ERCC6: variants seen among roughly 807,000 people sequenced by gnomAD.
ERCC6 encodes ERCC excision repair 6, chromatin remodeling factor.
A neutral mutation model predicts 158.7 loss-of-function variants in ERCC6; 116 were observed. The observed-to-expected ratio is 0.73, with a 90% confidence interval of 0.63 to 0.85. The LOEUF (loss-of-function observed/expected upper bound fraction) is 0.85. Among genes scored for constraint, ERCC6 ranks in the 40% least tolerant of loss-of-function variants. The pLI is 0.00. For synonymous variants in ERCC6, 678 were observed against 659.3 expected (o/e 1.03, Z -0.43); for missense variants, 1,698 against 1,799.4 (o/e 0.94, Z 1.02).
chr10:49,513,753 T>A (rs1472267894), intron 5 of ERCC6, among the ~76,000 whole-genome samples: 1 of 152,088 alleles, frequency 6.6e-6, no homozygotes, highest in African/African-American at 2.4e-5. Flanking sequence ...TCACTTCCCA[T>A]CAGGTTCCTC....
Position 49,528,441 on chromosome 10 carries a change from G to A in ERCC6, c.628C>T (p.His210Tyr). 6.2e-7 allele frequency: 1 copy of A among 1,614,162 alleles called. No homozygotes were observed. Among genetic ancestry groups the A allele is most frequent in the Non-Finnish European group, 8.5e-7 (1 of 1,180,020 alleles). Residue 210 changes from histidine to tyrosine, a missense_variant, in exon 4 of 21, where the codon CAC becomes TAC. Physicochemically the swap from His to Tyr is moderately conservative, Grantham distance 83. Coordinates refer to ENST00000355832, the MANE Select transcript of ERCC6 (RefSeq NM_000124.4). ...CCTGCATCCTCCTCCAGACTGGCGT[G>A]ATCTAGTTCAATTTTCACCTCTGCT... ...GGAEVKIELD[H>Y]ASLEEDAEPG...
chr10:49,513,343 A>G (rs918595361), intron 5 of ERCC6, among the ~76,000 whole-genome samples: 1 of 152,174 alleles, frequency 6.6e-6, no homozygotes, highest in African/African-American at 2.4e-5. Context: ...ACATACATAC[A>G]TATTTCTTAA....
chr10:49,530,489 C>T (rs144199158), intron 3 of ERCC6, among the ~76,000 whole-genome samples: 3 of 152,094 alleles, frequency 2.0e-5, no homozygotes, highest in Middle Eastern at 3.4e-3. Context: ...CAACTGTATA[C>T]GTATGGATGT....
At chr10:49,497,890 A>T (rs1272372784) in intron 7 of ERCC6, among the ~76,000 whole-genome samples, 1 of 152,232 alleles carries the variant, frequency 6.6e-6, no homozygotes, top group African/African-American at 2.4e-5. Flanking sequence ...CTTACCAGGA[A>T]CTACAAAGTA....
At chr10:49,447,443 T>C in the ERCC6 span, among the ~76,000 whole-genome samples, 2 of 152,068 alleles carry the variant, frequency 1.3e-5, no homozygotes, top group African/African-American at 4.8e-5. Flanking sequence ...ATCCCAGCAC[T>C]TTGGGAGGCC....
intron 5 of ERCC6, chr10:49,506,294 C>T (rs1279528929): frequency 2.3e-6 from 1 of 435,560 alleles, no homozygotes; most frequent in Non-Finnish European, 4.1e-6. Flanking sequence ...CTGGCATACC[C>T]TAAGGGAAAA....
intron 11 of ERCC6, among the ~76,000 whole-genome samples, chr10:49,477,094 C>T (rs987069421): frequency 1.3e-5 from 2 of 152,146 alleles, no homozygotes; most frequent in Non-Finnish European, 2.9e-5. Flanking sequence ...GCATCTTCCA[C>T]AAGCCCAGAG....
chr10:49,455,865 T>A lies in ERCC6; in HGVS notation c.*2950A>T, dbSNP rs1392912574. 1 of 152,206 alleles carries A rather than the reference T, an allele frequency of 6.6e-6. No homozygotes were observed. Among genetic ancestry groups the A allele is most frequent in the Non-Finnish European group, 1.5e-5 (1 of 68,028 alleles). 9.4% of individuals were successfully genotyped at this position (152,206 alleles called of 1,614,324 possible). A position where few individuals can be genotyped will look rare whatever the true frequency, so the allele number is the denominator to read the frequency against. ...CTGGTTAAAACAAAACAAAACAACC[T>A]ATCGATATTGATACCACTTACTGTT... On this transcript the variant is annotated 3_prime_UTR_variant, in exon 21 of 21. Transcript: ENST00000355832.
chr10:49,527,490 C>A (rs1837367698), intron 4 of ERCC6, among the ~76,000 whole-genome samples: 1 of 152,148 alleles, frequency 6.6e-6, no homozygotes, highest in South Asian at 2.1e-4. Context: ...GCTTGGCTAA[C>A]ATGGTGAAAC....
At chr10:49,467,365 A>G (rs556281653) in intron 18 of ERCC6, among the ~76,000 whole-genome samples, 21 of 152,268 alleles carry the variant, frequency 1.4e-4, no homozygotes, top group African/African-American at 5.1e-4. Flanking sequence ...ACTGCTTCAC[A>G]TCTTTACCAA....
At chr10:49,447,701 CAA>C in the ERCC6 span, among the ~76,000 whole-genome samples, 115 of 144,494 alleles carry the variant, frequency 8.0e-4, no homozygotes, top group East Asian at 8.1e-4. Flanking sequence ...AAGACTGTCT[CAA>C]AAAAAAAAAA....
At chr10:49,498,068 GT>G (rs1851296242) in intron 7 of ERCC6, among the ~76,000 whole-genome samples, 1 of 152,130 alleles carries the variant, frequency 6.6e-6, no homozygotes, top group African/African-American at 2.4e-5. Flanking sequence ...AAAGAAGGTG[GT>G]GTATCCATTA....
In ERCC6 at chr10:49,459,201, C is replaced by T. The variant is rs745758957; in HGVS notation, c.4096G>A (p.Val1366Ile). Residue 1366 changes from valine (V) to isoleucine (I), a missense_variant, in exon 21 of 21, where the codon GTC (valine) becomes ATC (isoleucine). Transcript: ENST00000355832. The part of the protein sequence containing the change: ...GIMKKEGKDN[V>I]PEHFSGRAED... Reference sequence around the variant, plus strand: ...GCTCTTCCACTAAAATGCTCAGGGACATTATCTTTTCCCTCCTTTTTCATG... The same window carrying T: ...GCTCTTCCACTAAAATGCTCAGGGATATTATCTTTTCCCTCCTTTTTCATG... The T allele has an allele frequency of 1.9e-6, 3 of 1,614,156 alleles. No individual in the cohort carries two copies. The highest frequency in any genetic ancestry group is 2.5e-6 in the Non-Finnish European group (3 of 1,180,024).
At chr10:49,514,323 T>C (rs1045501229) in intron 5 of ERCC6, among the ~76,000 whole-genome samples, 9 of 152,192 alleles carry the variant, frequency 5.9e-5, no homozygotes, top group African/African-American at 1.9e-4. Flanking sequence ...TAATATAGGC[T>C]GAACAATCAT....
rs973402132 is a variant in ERCC6, at chr10:49,521,721, T to C, written c.1397+2312A>G. 4.0e-4 allele frequency among the ~76,000 whole-genome samples: 61 copies of C among 152,130 alleles called. 1 individual carries two copies. Among genetic ancestry groups the C allele is most frequent in the African/African-American group, 1.4e-3 (59 of 41,476 alleles). ...CAGAGGAGGAGGCAGGAGAAACACA[T>C]GAGAAGGGGGAATACACGGTTTGAA... On this transcript the variant is annotated intron_variant, in intron 5 of 20. Coordinates refer to ENST00000355832, the MANE Select transcript of ERCC6 (RefSeq NM_000124.4).
At chr10:49,496,061 C>A (rs2132568777) in intron 7 of ERCC6, among the ~76,000 whole-genome samples, 1 of 152,330 alleles carries the variant, frequency 6.6e-6, no homozygotes, top group African/African-American at 2.4e-5. Context: ...GCTCCTGTGG[C>A]TAGCAGCCCA....
intron 1 of ERCC6, among the ~76,000 whole-genome samples, chr10:49,535,802 T>C (rs1642110079): frequency 1.3e-5 from 2 of 152,086 alleles, no homozygotes; most frequent in African/African-American, 2.4e-5. Context: ...TGAATTTGGA[T>C]ACCAATGGGT....
Position 49,472,460 on chromosome 10 carries a change from C to T in ERCC6, c.2840G>A (p.Arg947Gln), listed in dbSNP as rs1332662295. 12 of 1,614,070 alleles carry T rather than the reference C, an allele frequency of 7.4e-6. No individual in the cohort carries two copies. The highest frequency in any genetic ancestry group is 5.0e-5 in the Admixed American group (3 of 60,020). ...CTTCTTCTGGCCTATTCTCCATGCTCGCTCCCGGGCCTGCAACAGAGAGAG... is the reference window on the plus strand; with the variant it reads ...CTTCTTCTGGCCTATTCTCCATGCTTGCTCCCGGGCCTGCAACAGAGAGAG... ...NPSTDTQARE[R>Q]AWRIGQKKQV... is the part of the protein sequence containing the mutation. The change falls in exon 16 of 21, where the codon CGA becomes CAA. Residue 947 changes from arginine (R) to glutamine (Q), a missense_variant. By Grantham distance (43) the Arg-to-Gln change is conservative (BLOSUM62 1). Transcript: ENST00000355832.
chr10:49,477,568 T>G (rs1248330924), intron 11 of ERCC6, among the ~76,000 whole-genome samples: 1 of 152,162 alleles, frequency 6.6e-6, no homozygotes, highest in Non-Finnish European at 1.5e-5. Context: ...CACTGGGTCC[T>G]TTCCAGGTCA....
Sources: allele counts gnomAD v4.1 joint callset (sites outside exome capture counted in the v4.1 genomes callset), GRCh38; gene constraint gnomAD v4.1.1; transcripts MANE v1.5; gene names NCBI Gene and HGNC (gene_info 2026-07-23, HGNC 2026-07-21).